Variants in BCAS3 observed in about 807,000 individuals in gnomAD.
BCAS3 encodes the protein BCAS4/BCAS3 fusion.
BCAS3 carries 53 observed loss-of-function variants against 116.1 expected under a neutral mutation model. That is an observed-to-expected ratio of 0.46 (90% confidence interval 0.37 to 0.57). BCAS3 has a LOEUF of 0.57. BCAS3 is among the 20% of genes least tolerant of loss of function. BCAS3 has a pLI of 0.00. For missense variants in BCAS3, 917 were observed against 1,165.4 expected, an observed-to-expected ratio of 0.79 and a Z score of 3.10; for synonymous variants, 391 against 408.2, an observed-to-expected ratio of 0.96 and a Z score of 0.51.
intron 22 of BCAS3, among the ~76,000 whole-genome samples, chr17:61,341,419 A>G (rs1254828729): frequency 1.3e-5 from 2 of 152,176 alleles, no homozygotes; most frequent in African/African-American, 4.8e-5. Flanking sequence ...GAGTGAGCGT[A>G]TGGACACTTC....
intron 5 of BCAS3, among the ~76,000 whole-genome samples, chr17:60,718,192 G>A (rs867114512): frequency 7.6e-4 from 115 of 152,218 alleles, no homozygotes; most frequent in Middle Eastern, 6.8e-3. Flanking sequence ...TTTGTAACCA[G>A]TACCTGGCCC....
chr17:61,052,441 T>C (rs2068943958), intron 19 of BCAS3, among the ~76,000 whole-genome samples: 1 of 152,162 alleles, frequency 6.6e-6, no homozygotes, highest in African/African-American at 2.4e-5. Flanking sequence ...TGGAATATTA[T>C]GGAACCATAG....
Position 61,364,246 on chromosome 17 carries a change from A to G in BCAS3, c.2426-4081A>G, listed in dbSNP as rs902843170. Among the ~76,000 whole-genome samples the G allele has an allele frequency of 7.9e-5, 12 of 152,172 alleles. No homozygotes were observed. The highest frequency in any genetic ancestry group is 2.9e-4 in the African/African-American group (12 of 41,446). ...GCGCATGCGAAGAGAGAACAGACCC[A>G]CTATCAAATTGTGTTTCTCCTGTGT... On this transcript the variant is annotated intron_variant, in intron 22 of 23. Coordinates refer to ENST00000407086, the MANE Select transcript of BCAS3 (RefSeq NM_017679.5). The surrounding 1 kb of genome is among the most constrained non-coding windows in gnomAD (Gnocchi z 5.4).
At position 61,390,706 on chromosome 17, in the gene BCAS3, C is replaced by G. The variant is rs2060088572; in HGVS notation, c.2594-1271C>G. The G allele has an allele frequency of 1.3e-5, 2 of 152,328 alleles. No individual in the cohort carries two copies. The highest frequency in any genetic ancestry group is 4.8e-5 in the African/African-American group (2 of 41,462). 9.4% of individuals were successfully genotyped at this position (152,328 alleles called of 1,614,324 possible). ...GAGTGAAGGCCATGACCCCTTCATT[C>G]CCTAACCAGAGCCGGCTGTACTGCG... On this transcript the variant is annotated intron_variant, in intron 23 of 23. Transcript: ENST00000407086. This position sits in a 1 kb window ranked among gnomAD's most constrained non-coding sequence, Gnocchi z 6.8.
chr17:60,798,271 C>T (rs4559964), intron 6 of BCAS3, among the ~76,000 whole-genome samples: 152,265 of 152,346 alleles, frequency 1, 76,092 homozygotes, highest in Middle Eastern at 1. Flanking sequence ...TATAGTGAAA[C>T]AATAATCCAC....
At chr17:60,968,573 T>A (rs1343510391) in intron 14 of BCAS3, among the ~76,000 whole-genome samples, 2 of 152,204 alleles carry the variant, frequency 1.3e-5, no homozygotes, top group Non-Finnish European at 2.9e-5. Flanking sequence ...TGCCTTTTTT[T>A]TTTGGATATA....
intron 22 of BCAS3, among the ~76,000 whole-genome samples, chr17:61,266,519 A>G (rs9906465): frequency 0.13 from 19,052 of 152,212 alleles, 1,579 homozygotes; most frequent in African/African-American, 0.24. Context: ...TTAACACTGA[A>G]CTAAGACTTG....
intron 8 of BCAS3, among the ~76,000 whole-genome samples, chr17:60,869,572 A>T (rs2054918888): frequency 6.6e-6 from 1 of 152,196 alleles, no homozygotes; most frequent in African/African-American, 2.4e-5. Context: ...TACTTAAAAA[A>T]TACAAATAAA....
chr17:61,218,119 T>C (rs953449553), intron 22 of BCAS3, among the ~76,000 whole-genome samples: 15 of 152,186 alleles, frequency 9.9e-5, no homozygotes, highest in African/African-American at 3.6e-4. Flanking sequence ...CTCCTAAATG[T>C]TGGGTCATGA....
intron 15 of BCAS3, among the ~76,000 whole-genome samples, chr17:61,006,497 G>A (rs1254802608): frequency 6.6e-6 from 1 of 152,010 alleles, no homozygotes; most frequent in African/African-American, 2.4e-5. Context: ...CTACAGTAAA[G>A]CATTTCTATT....
At chr17:61,094,374 T>C (rs1335541455) in intron 22 of BCAS3, among the ~76,000 whole-genome samples, 2 of 152,240 alleles carry the variant, frequency 1.3e-5, no homozygotes, top group East Asian at 3.8e-4. Flanking sequence ...AAACAAACTA[T>C]GTTTATTCAG....
At chr17:61,000,018 T>A (rs1322916143) in intron 15 of BCAS3, among the ~76,000 whole-genome samples, 1 of 152,178 alleles carries the variant, frequency 6.6e-6, no homozygotes, top group Non-Finnish European at 1.5e-5. Context: ...ACTGAAGTAA[T>A]TTATCAGGTT....
rs1439553443 is a variant in BCAS3, at chr17:61,331,729, A to G, written c.2426-36598A>G. 1.3e-5 allele frequency among the ~76,000 whole-genome samples: 2 copies of G among 152,198 alleles called. 1 individual carries two copies. The highest frequency in any genetic ancestry group is 3.9e-4 in the East Asian group (2 of 5,192). On this transcript the variant is annotated intron_variant, in intron 22 of 23. Coordinates refer to ENST00000407086, the MANE Select transcript of BCAS3 (RefSeq NM_017679.5). ...TACATCCCACTCCTAGCAGTGTGGGAAAGTGAAAGGAGAATTCTTGTGACG... is the reference window on the plus strand; with the variant it reads ...TACATCCCACTCCTAGCAGTGTGGGGAAGTGAAAGGAGAATTCTTGTGACG...
chr17:60,971,677 G>A lies in BCAS3; in HGVS notation c.1222-18294G>A, dbSNP rs77016173. ...CCAGTGCCTCTTGAGCCAGTGGCAT[G>A]CTTCTGACAGTGGAATAAAAGATAA... On this transcript the variant is annotated intron_variant, in intron 14 of 23. Coordinates refer to ENST00000407086, the MANE Select transcript of BCAS3 (RefSeq NM_017679.5). Among the ~76,000 whole-genome samples, 539 of 152,296 alleles carry A rather than the reference G, an allele frequency of 3.5e-3. 10 individuals carry two copies. The East Asian group carries it at 0.075, about 21-fold the overall frequency.
At position 61,241,183 on chromosome 17, in the gene BCAS3, TTGAA is replaced by T. The variant is rs1195313972; in HGVS notation, c.2426-127141_2426-127138del. ...GATTTAATATTAGAGGCTTGACTAT[TTGAA>T]TGTGATTGCAAAAGTCAGTGAGGAC... is the stretch of plus-strand genomic sequence containing the variant. On this transcript the variant is annotated intron_variant, in intron 22 of 23. Coordinates refer to ENST00000407086, the MANE Select transcript of BCAS3 (RefSeq NM_017679.5). The surrounding 1 kb of genome is among the most constrained non-coding windows in gnomAD (Gnocchi z 4.6). 1.3e-5 allele frequency among the ~76,000 whole-genome samples: 2 copies of T among 152,164 alleles called. No individual in the cohort carries two copies. Among genetic ancestry groups the T allele is most frequent in the African/African-American group, 2.4e-5 (1 of 41,430 alleles).
intron 7 of BCAS3, among the ~76,000 whole-genome samples, chr17:60,816,561 C>T (rs2049431824): frequency 6.6e-6 from 1 of 152,146 alleles, no homozygotes; most frequent in Non-Finnish European, 1.5e-5. Flanking sequence ...GCGTGCACTA[C>T]CGCGGCTGGC....
At chr17:60,813,968 T>TC (rs2049088842) in intron 7 of BCAS3, among the ~76,000 whole-genome samples, 1 of 152,176 alleles carries the variant, frequency 6.6e-6, no homozygotes, top group Non-Finnish European at 1.5e-5. Flanking sequence ...ATATAATGTC[T>TC]CAGCTTTGTT....
chr17:61,236,273 C>T (rs987111456), intron 22 of BCAS3, among the ~76,000 whole-genome samples: 1 of 152,112 alleles, frequency 6.6e-6, no homozygotes, highest in African/African-American at 2.4e-5. Context: ...TGCTCTTCTT[C>T]TTAGATCTTA....
chr17:61,266,399 A>G (rs2049717931), intron 22 of BCAS3, among the ~76,000 whole-genome samples: 1 of 152,228 alleles, frequency 6.6e-6, no homozygotes, highest in African/African-American at 2.4e-5. Flanking sequence ...TCTTTCTTGT[A>G]TGCTTCTCAC....
Sources: allele counts gnomAD v4.1 joint callset (sites outside exome capture counted in the v4.1 genomes callset), GRCh38; gene constraint gnomAD v4.1.1; non-coding constraint Gnocchi (gnomAD v3.1); transcripts MANE v1.5; gene names NCBI Gene and HGNC (gene_info 2026-07-23, HGNC 2026-07-21).